DDX60: variants seen among roughly 807,000 people sequenced by gnomAD.
The protein encoded by DDX60 is DExD/H-box helicase 60.
Under a neutral mutation model 212.8 loss-of-function variants are expected in DDX60, and 165 were observed. The ratio of observed to expected loss-of-function variants is 0.78; its 90% CI spans 0.68 to 0.88. The LOEUF (loss-of-function observed/expected upper bound fraction) is 0.88. Among genes scored for constraint, DDX60 ranks in the 40% least tolerant of loss-of-function variants. DDX60 has a pLI of 0.00. For synonymous variants in DDX60, 703 were observed against 685.3 expected, an observed-to-expected ratio of 1.03 and a Z score of -0.40; for missense variants, 1,905 against 2,003.9, an observed-to-expected ratio of 0.95 and a Z score of 0.94.
chr4:168,235,477 GC>G (rs1434145438), intron 33 of DDX60, among the ~76,000 whole-genome samples: 1 of 152,050 alleles, frequency 6.6e-6, no homozygotes, highest in African/African-American at 2.4e-5. Flanking sequence ...TTTCAAAAAT[GC>G]ATGAGTGGTG....
Position 168,280,430 on chromosome 4 carries a change from T to G in DDX60, c.1883A>C (p.Lys628Thr). The change falls in exon 14 of 38, where the codon AAA becomes ACA. Residue 628 changes from lysine (K) to threonine (T), a missense_variant. Transcript: ENST00000393743. Reference protein sequence around the residue: ...SGIKSLEDFLKSCKSSCVKLQ... With the variant: ...SGIKSLEDFLTSCKSSCVKLQ... ...TTTCACACAGCTACTTTTACAGGAT[T>G]TCAAAAAATCTTCCAGGCTCTTTAT... 6.2e-7 allele frequency: 1 copy of G among 1,614,174 alleles called. No homozygotes were observed. The highest frequency in any genetic ancestry group is 8.5e-7 in the Non-Finnish European group (1 of 1,180,010).
At position 168,308,097 on chromosome 4, in the gene DDX60, G is replaced by T; in HGVS notation, c.173C>A (p.Pro58His). Residue 58 changes from proline to histidine, a missense_variant, in exon 4 of 38, where the codon CCT becomes CAT. Pro to His is a moderately conservative substitution (Grantham distance 77). Transcript: ENST00000393743. ...ITCICEISFK[P>H]GQNLHFFYLV... ...ATAGAAGAAATGGAGGTTCTGCCCA[G>T]GCTTAAATGATATCTCACAGATACA... The T allele has an allele frequency of 6.2e-7, 1 of 1,611,698 alleles. No individual in the cohort carries two copies. The highest frequency in any genetic ancestry group is 2.2e-5 in the East Asian group (1 of 44,752).
chr4:168,323,468 G>T (rs1737643532), upstream of DDX60, among the ~76,000 whole-genome samples: 1 of 152,134 alleles, frequency 6.6e-6, no homozygotes. Context: ...TCTTTGAACT[G>T]CCTGTTAGGC....
intron 30 of DDX60, among the ~76,000 whole-genome samples, chr4:168,238,526 G>A (rs1733723948): frequency 6.6e-6 from 1 of 151,586 alleles, no homozygotes; most frequent in Non-Finnish European, 1.5e-5. Context: ...AGGAAGAAGA[G>A]AGAAAGGAAG....
rs750994532 is a variant in DDX60 at position 168,268,961 on chromosome 4, A to G, written c.2679T>C (p.Cys893=). 4 of 1,543,882 alleles carry G rather than the reference A, an allele frequency of 2.6e-6. No homozygotes were observed. The highest frequency in any genetic ancestry group is 3.5e-6 in the Non-Finnish European group (4 of 1,142,752). ...IRYVIFDEVH[C]LGGEIGAEIW... is the part of the protein sequence containing the mutation. ...TTTCTGCTCCAATTTCTCCACCAAGACAATGAACCTATTAAACAAAAAAAA... is the reference window on the plus strand; with the variant it reads ...TTTCTGCTCCAATTTCTCCACCAAGGCAATGAACCTATTAAACAAAAAAAA... The change falls in exon 20 of 38, where the codon TGT becomes TGC. Residue 893 remains cysteine (C), a synonymous_variant. Coordinates refer to ENST00000393743, the MANE Select transcript of DDX60 (RefSeq NM_017631.6).
At chr4:168,324,600 T>G in the DDX60 span, among the ~76,000 whole-genome samples, 2 of 152,162 alleles carry the variant, frequency 1.3e-5, no homozygotes. Context: ...CCAAAAGGAC[T>G]AAAAGATGTT....
intron 11 of DDX60, 55 bp downstream of exon 11, chr4:168,285,338 G>A: frequency 1.0e-6 from 1 of 984,368 alleles, no homozygotes; most frequent in South Asian, 1.4e-5. Flanking sequence ...TCCTCGTTGA[G>A]TAACTCATGT....
chr4:168,324,211 T>C, the DDX60 span, among the ~76,000 whole-genome samples: 2 of 152,062 alleles, frequency 1.3e-5, no homozygotes, highest in Non-Finnish European at 2.9e-5. Context: ...AATGGGCAAC[T>C]GGATAGAAAA....
chr4:168,292,469 A>C (rs1365849003), intron 7 of DDX60, among the ~76,000 whole-genome samples: 1 of 152,222 alleles, frequency 6.6e-6, no homozygotes, highest in Non-Finnish European at 1.5e-5. Context: ...TCGCATTTAA[A>C]ATAAAACATT....
intron 36 of DDX60, among the ~76,000 whole-genome samples, chr4:168,221,428 G>A (rs1462529172): frequency 1.3e-5 from 2 of 152,094 alleles, no homozygotes; most frequent in African/African-American, 4.8e-5. Context: ...ATAAACAGGA[G>A]AGTAATAAAT....
chr4:168,245,801 A>T (rs1301081021), intron 30 of DDX60, among the ~76,000 whole-genome samples: 1 of 152,198 alleles, frequency 6.6e-6, no homozygotes, highest in African/African-American at 2.4e-5. Flanking sequence ...CAAAATTTTT[A>T]TCTGGGCAAC....
chr4:168,251,266 T>C (rs891310566), intron 27 of DDX60, among the ~76,000 whole-genome samples, 160 bp from the exon 28 acceptor site: 2 of 152,226 alleles, frequency 1.3e-5, no homozygotes, highest in South Asian at 4.1e-4. Flanking sequence ...GCAGCAACAG[T>C]AACTACAAGA....
intron 3 of DDX60, among the ~76,000 whole-genome samples, chr4:168,309,519 TCA>T: frequency 6.6e-6 from 1 of 152,248 alleles, no homozygotes; most frequent in Middle Eastern, 3.4e-3. Context: ...TTTTTTAATC[TCA>T]CATTGAAAAT....
At chr4:168,297,699 T>C (rs1258193332) in intron 6 of DDX60, among the ~76,000 whole-genome samples, 1 of 151,688 alleles carries the variant, frequency 6.6e-6, no homozygotes, top group Non-Finnish European at 1.5e-5. Context: ...GGGCCAGGAG[T>C]TCGAGACCAG....
intron 28 of DDX60, among the ~76,000 whole-genome samples, chr4:168,249,390 G>A (rs975949334): frequency 5.9e-5 from 9 of 152,060 alleles, no homozygotes; most frequent in South Asian, 2.1e-4. Context: ...TTAAGTATAC[G>A]GAGTGATTTT....
At chr4:168,304,026 C>T (rs540109902) in intron 5 of DDX60, among the ~76,000 whole-genome samples, 1 of 152,224 alleles carries the variant, frequency 6.6e-6, no homozygotes, top group South Asian at 2.1e-4. Context: ...CAATTATGTA[C>T]AGTATATAAT....
At chr4:168,299,464 G>C (rs923821038) in intron 6 of DDX60, among the ~76,000 whole-genome samples, 1 of 150,208 alleles carries the variant, frequency 6.7e-6, no homozygotes, top group Non-Finnish European at 1.5e-5. Context: ...TAAGATGAAA[G>C]AAAGCACAAA....
intron 27 of DDX60, among the ~76,000 whole-genome samples, chr4:168,252,240 G>C (rs719898): frequency 0.17 from 25,261 of 152,138 alleles, 3,624 homozygotes; most frequent in African/African-American, 0.38. Context: ...TGCTAAATCT[G>C]TTGCACAGGT....
intron 5 of DDX60, among the ~76,000 whole-genome samples, chr4:168,302,939 CAT>C (rs2149546716): frequency 6.6e-6 from 1 of 152,062 alleles, no homozygotes; most frequent in South Asian, 2.1e-4. Flanking sequence ...TGACTAATAA[CAT>C]AACTTCTTTA....
Sources: gnomAD v4.1 joint callset for allele counts (sites outside exome capture counted in the v4.1 genomes callset) on GRCh38, gnomAD v4.1.1 for gene constraint, MANE v1.5 for transcripts, NCBI Gene and HGNC (gene_info 2026-07-23, HGNC 2026-07-21) for gene names.